The following ALAS1 variants were observed in gnomAD, a reference collection of about 807,000 sequenced individuals.
ALAS1 encodes 5-aminolevulinate synthase, non-specific, mitochondrial.
Under a neutral mutation model 59.6 loss-of-function variants are expected in ALAS1, and 29 were observed. That is an observed-to-expected ratio of 0.49 (90% CI 0.36 to 0.66). ALAS1 has a LOEUF of 0.66. Ranked by LOEUF, ALAS1 falls within the 30% of genes least tolerant of loss-of-function variation. ALAS1 has a pLI of 0.00. For missense variants in ALAS1, 690 were observed against 807.5 expected, an observed-to-expected ratio of 0.85 and a Z score of 1.76; for synonymous variants, 299 against 296.6, an observed-to-expected ratio of 1.01 and a Z score of -0.08.
At chr3:52,212,164 A>C in intron 10 of ALAS1, 94 bp from the exon 11 acceptor site, 1 of 1,169,414 alleles carries the variant, frequency 8.6e-7, no homozygotes, top group South Asian at 1.4e-5. Flanking sequence ...TCTGGTCTTG[A>C]GCCTGAGCGT....
intron 1 of ALAS1, among the ~76,000 whole-genome samples, 177 bp downstream of exon 1, chr3:52,198,432 C>T (rs1009301578): frequency 5.9e-5 from 9 of 152,228 alleles, no homozygotes; most frequent in Non-Finnish European, 1.2e-4. Flanking sequence ...CTCAGTTTCC[C>T]CCTTTCGGCC....
chr3:52,200,383 G>A (rs1211779413), intron 3 of ALAS1, among the ~76,000 whole-genome samples: 1 of 152,036 alleles, frequency 6.6e-6, no homozygotes, highest in Non-Finnish European at 1.5e-5. Flanking sequence ...CTATGAATTT[G>A]ACTATTCTAG....
At chr3:52,199,188 T>C (rs1366910188) in intron 2 of ALAS1, 22 bp from the exon 3 acceptor site, 25 of 1,610,360 alleles carry the variant, frequency 1.6e-5, no homozygotes, top group Non-Finnish European at 2.1e-5. Context: ...TATTAACAAC[T>C]GTTGATGTCA....
chr3:52,211,143 A>G (rs1277096209), intron 9 of ALAS1, 140 bp from the exon 10 acceptor site: 3 of 857,776 alleles, frequency 3.5e-6, no homozygotes, highest in Non-Finnish European at 5.3e-6. Context: ...AATGTGGTGC[A>G]TGACTACTCC....
At position 52,199,204 on chromosome 3, in the gene ALAS1, C is replaced by T; in HGVS notation, c.-32-6C>T. ...ATTAACAACTGTTGATGTCACTCTT[C>T]ATCAGTCTTTCCACAGGAGCCAGCA... On this transcript the variant is annotated splice_polypyrimidine_tract_variant and splice_region_variant and intron_variant, in intron 2 of 11. Transcript: ENST00000484952. The T allele has an allele frequency of 6.2e-7, 1 of 1,613,648 alleles. No homozygotes were observed.
chr3:52,209,240 C>T (rs915867969), intron 9 of ALAS1, among the ~76,000 whole-genome samples: 1 of 152,082 alleles, frequency 6.6e-6, no homozygotes, highest in African/African-American at 2.4e-5. Context: ...TGGAGTGTCA[C>T]TCTGTTGCCC....
At chr3:52,210,985 A>G (rs1368109292) in intron 9 of ALAS1, among the ~76,000 whole-genome samples, 1 of 152,218 alleles carries the variant, frequency 6.6e-6, no homozygotes, top group Non-Finnish European at 1.5e-5. Flanking sequence ...CCTGTACAAC[A>G]TGTTACTGTA....
chr3:52,198,602 C>A (rs1006019425), intron 1 of ALAS1, 70 bp from the exon 2 acceptor site: 5 of 597,260 alleles, frequency 8.4e-6, no homozygotes, highest in African/African-American at 1.9e-5. Flanking sequence ...TAAGCCCCTG[C>A]GCGTCCCCAG....
At chr3:52,201,777 G>A (rs1699190518) in intron 3 of ALAS1, among the ~76,000 whole-genome samples, 1 of 152,010 alleles carries the variant, frequency 6.6e-6, no homozygotes, top group Admixed American at 6.6e-5. Flanking sequence ...AAAGGAAAAT[G>A]TTAGCAGAGA....
At chr3:52,209,673 A>C (rs1309100857) in intron 9 of ALAS1, among the ~76,000 whole-genome samples, 1 of 152,186 alleles carries the variant, frequency 6.6e-6, no homozygotes, top group Non-Finnish European at 1.5e-5. Flanking sequence ...TGTTATGTTA[A>C]GATCTATGAA....
At chr3:52,209,705 G>A (rs940042554) in intron 9 of ALAS1, among the ~76,000 whole-genome samples, 1 of 152,084 alleles carries the variant, frequency 6.6e-6, no homozygotes, top group Admixed American at 6.5e-5. Flanking sequence ...AGTTCTTTTT[G>A]TTTTTTGAGA....
chr3:52,211,978 C>T (rs1194730337), intron 10 of ALAS1, among the ~76,000 whole-genome samples: 1 of 152,186 alleles, frequency 6.6e-6, no homozygotes, highest in Non-Finnish European at 1.5e-5. Flanking sequence ...GATTATACAT[C>T]GTGGGTATGA....
At chr3:52,209,798 AC>A (rs2107279292) in intron 9 of ALAS1, among the ~76,000 whole-genome samples, 2 of 151,646 alleles carry the variant, frequency 1.3e-5, no homozygotes, top group Admixed American at 1.3e-4. Flanking sequence ...TCCCACCTCA[AC>A]CTCCTGAATA....
At chr3:52,206,817 A>G in intron 8 of ALAS1, 66 bp downstream of exon 8, 5 of 1,508,852 alleles carry the variant, frequency 3.3e-6, no homozygotes, top group East Asian at 2.3e-5. Context: ...CTTTAAAAGT[A>G]TGGTGTTTTG....
chr3:52,206,497 A>G, intron 7 of ALAS1, 75 bp from the exon 8 acceptor site: 2 of 1,496,718 alleles, frequency 1.3e-6, no homozygotes, highest in Non-Finnish European at 1.8e-6. Flanking sequence ...TTCCAAGGAA[A>G]AGTCTGTTGT....
At chr3:52,202,777 C>T (rs1699214922) in intron 4 of ALAS1, 43 bp downstream of exon 4, 2 of 1,566,330 alleles carry the variant, frequency 1.3e-6, no homozygotes, top group Non-Finnish European at 1.7e-6. Flanking sequence ...TGAAGGGGTC[C>T]TTTTAGTTCT....
At position 52,202,697 on chromosome 3, in the gene ALAS1, T is replaced by G. The variant is rs776530180; in HGVS notation, c.390T>G (p.Leu130=). 1.2e-6 allele frequency: 2 copies of G among 1,613,910 alleles called. No homozygotes were observed. Among genetic ancestry groups the G allele is most frequent in the Non-Finnish European group, 8.5e-7 (1 of 1,180,008 alleles). ...SSVFCKASLE[L]QEDVQEMNAV... ...TCTTCTGCAAAGCCAGTCTTGAGCT[T>G]CAGGAGGATGTGCAGGAAATGAATG... The change falls in exon 4 of 12, where the codon CTT becomes CTG. Residue 130 remains leucine, a synonymous_variant. Transcript: ENST00000484952.
Position 52,202,548 on chromosome 3 carries a change from G to T in ALAS1, c.241G>T (p.Gly81Ter). 7 of 1,614,186 alleles carry T rather than the reference G, an allele frequency of 4.3e-6. No homozygotes were observed. The highest frequency in any genetic ancestry group is 5.9e-6 in the Non-Finnish European group (7 of 1,180,024). ...GGCCAAGGTCCAACAGACTCCTGAT[G>T]GATCCCAGCAGAGTCCAGATGGCAC... The part of the protein sequence containing the change: ...AKAKVQQTPD[G>*]SQQSPDGTQL... Residue 81 changes from glycine (G) to a stop codon, truncating the protein, a stop_gained, in exon 4 of 12, where the codon GGA (glycine) becomes TGA (stop). Transcript: ENST00000484952. LOFTEE classifies it high-confidence loss of function.
chr3:52,214,036 A>G lies in ALAS1; in HGVS notation c.1779A>G (p.Thr593=), dbSNP rs745994259. Residue 593 remains threonine, a synonymous_variant, in exon 12 of 12, where the codon ACA becomes ACG. Coordinates refer to ENST00000484952, the MANE Select transcript of ALAS1 (RefSeq NM_000688.6). The part of the protein sequence containing the change: ...MNYFLENLLV[T]WKQVGLELKP... ...TCTCCTCAGAGAATCTGCTAGTCACATGGAAGCAAGTGGGGCTGGAACTGA... is the reference window on the plus strand; with the variant it reads ...TCTCCTCAGAGAATCTGCTAGTCACGTGGAAGCAAGTGGGGCTGGAACTGA... 7.5e-6 allele frequency: 12 copies of G among 1,607,468 alleles called. No homozygotes were observed. The highest frequency in any genetic ancestry group is 2.2e-5 in the South Asian group (2 of 90,924).
Sources: allele counts gnomAD v4.1 joint callset (sites outside exome capture counted in the v4.1 genomes callset), GRCh38; gene constraint gnomAD v4.1.1; transcripts MANE v1.5; gene names NCBI Gene and HGNC (gene_info 2026-07-23, HGNC 2026-07-21).